Variants in FLT1 observed in about 807,000 individuals in gnomAD.
The protein encoded by FLT1 is vascular endothelial growth factor receptor 1.
FLT1 carries 49 observed loss-of-function variants against 156.3 expected under a neutral mutation model. The ratio of observed to expected loss-of-function variants is 0.31; its 90% CI spans 0.25 to 0.40. The LOEUF (loss-of-function observed/expected upper bound fraction) is 0.40. Ranked by LOEUF, FLT1 falls within the 10% of genes least tolerant of loss-of-function variation. The probability of loss-of-function intolerance (pLI) is 1.00; values close to 1 mark genes in which losing one functional copy is unlikely to be tolerated. For missense variants in FLT1, 1,322 were observed against 1,637.2 expected (o/e 0.81, Z 3.32); for synonymous variants, 594 against 583.8 (o/e 1.02, Z -0.25).
intron 24 of FLT1, 150 bp from the exon 25 acceptor site, chr13:28,317,747 A>G (rs1566282632): frequency 8.7e-6 from 6 of 686,568 alleles, no homozygotes; most frequent in Admixed American, 2.1e-5. Flanking sequence ...AACATACCGT[A>G]CAACACACAG....
Position 28,441,333 on chromosome 13 carries a change from C to T in FLT1, c.389-2988G>A, listed in dbSNP as rs374609679. ...ATAAACACAAACCCTTGAATCTCTCCAGTTGCCTGCTTGGCCCTCTGCCAA... is the reference window on the plus strand; with the variant it reads ...ATAAACACAAACCCTTGAATCTCTCTAGTTGCCTGCTTGGCCCTCTGCCAA... On this transcript the variant is annotated intron_variant, in intron 3 of 29. Coordinates refer to ENST00000282397, the MANE Select transcript of FLT1 (RefSeq NM_002019.4). Among the ~76,000 whole-genome samples the T allele has an allele frequency of 3.6e-4, 55 of 152,326 alleles. No individual in the cohort carries two copies. The South Asian group carries it at 0.011, about 30-fold the overall frequency.
chr13:28,317,612 G>C lies in FLT1; in HGVS notation c.3287-15C>G. The C allele has an allele frequency of 6.4e-7, 1 of 1,565,076 alleles. No individual in the cohort carries two copies. Among genetic ancestry groups the C allele is most frequent in the Non-Finnish European group, 8.8e-7 (1 of 1,135,214 alleles). ...TGGAGACCCACCTGCGGGAGACAAT[G>C]TGGAAAACACAGGGCCTGTTATGGC... On this transcript the variant is annotated splice_polypyrimidine_tract_variant and intron_variant, in intron 24 of 29. Transcript: ENST00000282397.
At chr13:28,385,849 A>T (rs142303063) in intron 13 of FLT1, 7 of 1,050,278 alleles carry the variant, frequency 6.7e-6, no homozygotes, top group Non-Finnish European at 8.0e-6. Context: ...AAGGCCCCCA[A>T]TGAGTACAGT....
At chr13:28,324,741 C>T (rs1871605480) in intron 20 of FLT1, among the ~76,000 whole-genome samples, 1 of 152,196 alleles carries the variant, frequency 6.6e-6, no homozygotes, top group Non-Finnish European at 1.5e-5. Context: ...CACAGGCTCA[C>T]TCAGGGCTCT....
chr13:28,368,374 A>C, intron 14 of FLT1: 2 of 1,052,316 alleles, frequency 1.9e-6, no homozygotes, highest in Non-Finnish European at 2.6e-6. Context: ...CTGGTCTTGA[A>C]CTCCTGACCT....
In FLT1 at chr13:28,302,112, G is replaced by C; in HGVS notation, c.*1055C>G. 4.3e-6 allele frequency: 1 copy of C among 231,376 alleles called. No individual in the cohort carries two copies. The highest frequency in any genetic ancestry group is 8.5e-6 in the Non-Finnish European group (1 of 117,912). The allele number at this position is 231,376 out of a possible 1,614,324, so 14.3% of individuals were successfully genotyped here. A position where few individuals can be genotyped will look rare whatever the true frequency, so the allele number is the denominator to read the frequency against. On this transcript the variant is annotated 3_prime_UTR_variant, in exon 30 of 30. Coordinates refer to ENST00000282397, the MANE Select transcript of FLT1 (RefSeq NM_002019.4). ...CCTTATTGACCTTTTTCCTCCATCA[G>C]CCCTCGTTTTGATATGGAGAAAACT...
At chr13:28,485,413 T>C (rs1881093317) in intron 1 of FLT1, among the ~76,000 whole-genome samples, 1 of 152,178 alleles carries the variant, frequency 6.6e-6, no homozygotes, top group Non-Finnish European at 1.5e-5. Flanking sequence ...AAATTTGAAT[T>C]AAGAATAGAA....
intron 1 of FLT1, among the ~76,000 whole-genome samples, chr13:28,493,701 C>T (rs1225494115): frequency 2.0e-5 from 3 of 152,358 alleles, no homozygotes; most frequent in East Asian, 3.9e-4. Flanking sequence ...CACAAATCTC[C>T]GCCACTCAGC....
intron 3 of FLT1, among the ~76,000 whole-genome samples, chr13:28,458,585 T>C (rs1686700176): frequency 6.6e-6 from 1 of 152,196 alleles, no homozygotes; most frequent in East Asian, 1.9e-4. Context: ...AGAAGATGCA[T>C]TTGTTCCTGA....
intron 10 of FLT1, among the ~76,000 whole-genome samples, chr13:28,409,864 T>A (rs1403727025): frequency 1.3e-5 from 2 of 152,190 alleles, no homozygotes; most frequent in Non-Finnish European, 2.9e-5. Context: ...CCATGGCTTT[T>A]TTTTTTTTTA....
chr13:28,303,501 C>CCT (rs1555297839), intron 29 of FLT1, 133 bp from the exon 30 acceptor site: 7 of 775,978 alleles, frequency 9.0e-6, no homozygotes, highest in African/African-American at 3.4e-5. Flanking sequence ...AACCCCCCCC[C>CCT]CCTCAATTGC....
intron 25 of FLT1, among the ~76,000 whole-genome samples, chr13:28,313,339 AT>A (rs1288647346): frequency 6.6e-6 from 1 of 152,206 alleles, no homozygotes; most frequent in African/African-American, 2.4e-5. Flanking sequence ...TCTGCACGGA[AT>A]CGAGGTCTGT....
chr13:28,349,562 C>T (rs1003883648), intron 15 of FLT1, among the ~76,000 whole-genome samples: 2 of 152,232 alleles, frequency 1.3e-5, no homozygotes, highest in African/African-American at 4.8e-5. Flanking sequence ...GACACAGTGG[C>T]CTTTGGCTGT....
intron 18 of FLT1, among the ~76,000 whole-genome samples, chr13:28,332,234 GA>G (rs552916477): frequency 1.2e-3 from 178 of 150,850 alleles, no homozygotes; most frequent in Non-Finnish European, 2.2e-3. Flanking sequence ...TCTCTTAGAA[GA>G]AAAAAAAATC....
At chr13:28,354,175 T>C (rs1326119728) in intron 15 of FLT1, among the ~76,000 whole-genome samples, 1 of 152,170 alleles carries the variant, frequency 6.6e-6, no homozygotes, top group Non-Finnish European at 1.5e-5. Flanking sequence ...ATTATAAAAT[T>C]AATGAGCAGG....
chr13:28,404,738 G>A (rs918087913), intron 11 of FLT1, among the ~76,000 whole-genome samples: 1 of 152,108 alleles, frequency 6.6e-6, no homozygotes, highest in African/African-American at 2.4e-5. Flanking sequence ...AAAGAATCAT[G>A]GCTGGGTGCA....
intron 14 of FLT1, among the ~76,000 whole-genome samples, chr13:28,358,979 A>G (rs1873010913): frequency 6.6e-6 from 1 of 152,182 alleles, no homozygotes. Flanking sequence ...GTGGAAATAA[A>G]CAGGAATTGA....
chr13:28,442,447 A>C (rs1455710312), intron 3 of FLT1, among the ~76,000 whole-genome samples: 1 of 152,234 alleles, frequency 6.6e-6, no homozygotes, highest in African/African-American at 2.4e-5. Flanking sequence ...GAAAAGGTTA[A>C]TTCAACATAT....
intron 3 of FLT1, among the ~76,000 whole-genome samples, chr13:28,452,515 A>AG (rs1425201357): frequency 6.6e-6 from 1 of 152,128 alleles, no homozygotes; most frequent in Non-Finnish European, 1.5e-5. Flanking sequence ...CCATCAAGTG[A>AG]GTGTCTGCTT....
Sources: allele counts gnomAD v4.1 joint callset (sites outside exome capture counted in the v4.1 genomes callset), GRCh38; gene constraint gnomAD v4.1.1; transcripts MANE v1.5; gene names NCBI Gene and HGNC (gene_info 2026-07-23, HGNC 2026-07-21).